Variants in CARMIL1 observed in about 807,000 individuals in gnomAD.
CARMIL1 encodes the protein F-actin-uncapping protein LRRC16A.
CARMIL1 carries 90 observed loss-of-function variants against 177.1 expected under a neutral mutation model. The ratio of observed to expected loss-of-function variants is 0.51; its 90% CI spans 0.43 to 0.61. The LOEUF (loss-of-function observed/expected upper bound fraction) is 0.61, where lower values mean the gene tolerates loss of function less well. CARMIL1 is among the 20% of genes least tolerant of loss of function. The probability of loss-of-function intolerance (pLI) is 0.00; values close to 1 mark genes in which losing one functional copy is unlikely to be tolerated. For missense variants in CARMIL1, 1,380 were observed against 1,667.0 expected, an observed-to-expected ratio of 0.83 and a Z score of 3.00; for synonymous variants, 577 against 606.2, an observed-to-expected ratio of 0.95 and a Z score of 0.71.
intron 2 of CARMIL1, among the ~76,000 whole-genome samples, chr6:25,314,071 A>T (rs957507877): frequency 5.3e-5 from 8 of 150,744 alleles, no homozygotes; most frequent in Non-Finnish European, 1.2e-4. Context: ...GGATATAAAA[A>T]AATCCTGGAG....
At chr6:25,393,154 C>G (rs1342875049) in intron 2 of CARMIL1, among the ~76,000 whole-genome samples, 5 of 152,168 alleles carry the variant, frequency 3.3e-5, no homozygotes, top group Admixed American at 6.5e-5. Context: ...GTAGGTCTTT[C>G]ATTCTATTCT....
At chr6:25,595,353 A>G (rs1245916812) in intron 32 of CARMIL1, among the ~76,000 whole-genome samples, 1 of 152,184 alleles carries the variant, frequency 6.6e-6, no homozygotes, top group Non-Finnish European at 1.5e-5. Context: ...GGAAGCAACT[A>G]ATCAATTCTA....
At position 25,581,478 on chromosome 6, in the gene CARMIL1, C is replaced by T. The variant is rs773331923; in HGVS notation, c.3006+39C>T. 3 of 1,535,902 alleles carry T rather than the reference C, an allele frequency of 2.0e-6. No individual in the cohort carries two copies. In the South Asian group the frequency reaches 3.7e-5, roughly 19 times the overall value. On this transcript the variant is annotated intron_variant, in intron 31 of 36. Transcript: ENST00000329474. ...AGGAGAGGCCCCATCTCTCCCACACCCTTTTCTTCTCTGGGGAAAGTTGGA... is the reference window on the plus strand; with the variant it reads ...AGGAGAGGCCCCATCTCTCCCACACTCTTTTCTTCTCTGGGGAAAGTTGGA...
chr6:25,359,104 A>G (rs1788926036), intron 2 of CARMIL1, among the ~76,000 whole-genome samples: 1 of 152,190 alleles, frequency 6.6e-6, no homozygotes, highest in Non-Finnish European at 1.5e-5. Context: ...CCATGGTCAC[A>G]GGCTTCTTGG....
intron 4 of CARMIL1, among the ~76,000 whole-genome samples, chr6:25,429,024 A>G (rs969821032): frequency 2.0e-5 from 3 of 152,094 alleles, no homozygotes; most frequent in Admixed American, 1.3e-4. Context: ...TTCTTTGTCT[A>G]GTCTTATTGC....
intron 8 of CARMIL1, among the ~76,000 whole-genome samples, chr6:25,450,976 C>CTT (rs1798832124): frequency 1.5e-4 from 1 of 6,510 alleles, no homozygotes; most frequent in Non-Finnish European, 3.0e-4. Flanking sequence ...CTTCTCTTCT[C>CTT]CTCTCCCCCT....
rs1290336910 is a variant in CARMIL1, at chr6:25,619,558, C to T, written c.4091C>T (p.Ala1364Val). 2.3e-5 allele frequency: 37 copies of T among 1,613,436 alleles called. No homozygotes were observed. The highest frequency in any genetic ancestry group is 3.0e-5 in the Non-Finnish European group (35 of 1,179,746). The change falls in exon 37 of 37, where the codon GCA becomes GTA. Residue 1364 changes from alanine (A) to valine (V), a missense_variant. Transcript: ENST00000329474. ...AAATCTAATGACTCCGGGGAAGAAG[C>T]AGAAAAAGAGTTTATTTTTGTGTAA... ...GSKSNDSGEE[A>V]EKEFIFV
intron 2 of CARMIL1, among the ~76,000 whole-genome samples, chr6:25,313,681 C>CTGCATATATATA (rs1162745485): frequency 1.7e-5 from 2 of 116,236 alleles, no homozygotes; most frequent in African/African-American, 7.9e-5. Flanking sequence ...CCAGGGAAGG[C>CTGCATATATATA]TGTATATATA....
chr6:25,318,804 G>A (rs149322627), intron 2 of CARMIL1, among the ~76,000 whole-genome samples: 172 of 152,266 alleles, frequency 1.1e-3, no homozygotes, highest in African/African-American at 4.1e-3. Flanking sequence ...GGGTCTGGAT[G>A]TCGGCCCAGC....
intron 2 of CARMIL1, among the ~76,000 whole-genome samples, chr6:25,399,341 A>T (rs1793701790): frequency 6.6e-6 from 1 of 152,178 alleles, no homozygotes; most frequent in South Asian, 2.1e-4. Context: ...CCAGGTGAGG[A>T]TGCAACCCTT....
chr6:25,299,013 A>T (rs1561951897), intron 2 of CARMIL1, among the ~76,000 whole-genome samples: 1 of 151,270 alleles, frequency 6.6e-6, no homozygotes, highest in Non-Finnish European at 1.5e-5. Context: ...CAGCCTCCCA[A>T]AGTGCTGGGA....
At chr6:25,607,284 T>C (rs913675789) in intron 35 of CARMIL1, among the ~76,000 whole-genome samples, 2 of 152,026 alleles carry the variant, frequency 1.3e-5, no homozygotes, top group African/African-American at 4.8e-5. Context: ...ATAGGTAATA[T>C]ATGAAAGTTA....
chr6:25,327,610 C>G (rs1228555534), intron 2 of CARMIL1, among the ~76,000 whole-genome samples: 1 of 152,100 alleles, frequency 6.6e-6, no homozygotes, highest in Non-Finnish European at 1.5e-5. Flanking sequence ...TTTTGTAGTC[C>G]TGAAAAGGAG....
At chr6:25,296,601 C>G (rs1782382197) in intron 2 of CARMIL1, among the ~76,000 whole-genome samples, 1 of 152,210 alleles carries the variant, frequency 6.6e-6, no homozygotes, top group African/African-American at 2.4e-5. Context: ...GGCAATCTCT[C>G]TGCTCTTTGA....
At chr6:25,531,320 G>A (rs1297491516) in intron 24 of CARMIL1, among the ~76,000 whole-genome samples, 1 of 46,672 alleles carries the variant, frequency 2.1e-5, no homozygotes, top group African/African-American at 1.1e-4. Flanking sequence ...TTAATTTTTT[G>A]TTGCTTCTTC....
intron 2 of CARMIL1, among the ~76,000 whole-genome samples, chr6:25,370,496 G>A (rs1007500780): frequency 1.3e-5 from 2 of 152,210 alleles, no homozygotes; most frequent in South Asian, 2.1e-4. Context: ...TAAAGAAGAC[G>A]TGGAAAATAA....
chr6:25,402,577 A>C (rs1562090733), intron 2 of CARMIL1, among the ~76,000 whole-genome samples: 2 of 152,302 alleles, frequency 1.3e-5, no homozygotes, highest in Non-Finnish European at 2.9e-5. Context: ...CTGATTCATG[A>C]ATGTTTTACT....
intron 22 of CARMIL1, among the ~76,000 whole-genome samples, chr6:25,518,110 G>A: frequency 6.6e-6 from 1 of 152,150 alleles, no homozygotes; most frequent in South Asian, 2.1e-4. Flanking sequence ...TGAAAAATAA[G>A]GGGCGGATGG....
At chr6:25,431,691 A>T (rs1796804893) in intron 4 of CARMIL1, among the ~76,000 whole-genome samples, 2 of 152,028 alleles carry the variant, frequency 1.3e-5, no homozygotes, top group African/African-American at 4.8e-5. Flanking sequence ...AAGAGTGTTG[A>T]TGCAGCAAGA....
Sources: allele counts gnomAD v4.1 joint callset (sites outside exome capture counted in the v4.1 genomes callset), GRCh38; gene constraint gnomAD v4.1.1; transcripts MANE v1.5; gene names NCBI Gene and HGNC (gene_info 2026-07-23, HGNC 2026-07-21).